The following C13orf42 variants were observed in gnomAD, a reference collection of about 807,000 sequenced individuals.
C13orf42 encodes chromosome 13 open reading frame 42, also known as uncharacterized protein C13orf42.
chr13:51,134,262 G>T (rs1366690640), intron 1 of C13orf42, among the ~76,000 whole-genome samples: 1 of 152,082 alleles, frequency 6.6e-6, no homozygotes, highest in African/African-American at 2.4e-5. Context: ...CTCACTCAGG[G>T]TTCAACATAT....
chr13:51,153,892 C>G (rs1953805290), intron 1 of C13orf42, among the ~76,000 whole-genome samples: 1 of 152,078 alleles, frequency 6.6e-6, no homozygotes. Context: ...CTCGGCCTCC[C>G]AGAGTGCTGA....
At position 51,085,603 on chromosome 13, in the gene C13orf42, T is replaced by C. The variant is rs116304872; in HGVS notation, c.563-44A>G. ...TGACCCAGGAAGGAAGGGCTTGCCA[T>C]TGGGAGGCGCATAAGGCAAAGGAGA... is the stretch of plus-strand genomic sequence containing the variant. On this transcript the variant is annotated intron_variant, in intron 2 of 3. Transcript: ENST00000563710. The C allele has an allele frequency of 2.6e-3, 1,033 of 398,358 alleles. 7 individuals are homozygous for C. The highest frequency in any genetic ancestry group is 0.02 in the African/African-American group (957 of 48,724). 24.7% of individuals were successfully genotyped at this position (398,358 alleles called of 1,614,324 possible). A position where few individuals can be genotyped will look rare whatever the true frequency, so the allele number is the denominator to read the frequency against.
At chr13:51,139,588 G>A (rs546380377) in intron 1 of C13orf42, among the ~76,000 whole-genome samples, 21 of 152,244 alleles carry the variant, frequency 1.4e-4, no homozygotes, top group East Asian at 9.7e-4. Context: ...CAAAGACCTT[G>A]CTAATAAAAC....
At chr13:51,145,397 A>C (rs1308330489) in intron 1 of C13orf42, among the ~76,000 whole-genome samples, 2 of 152,070 alleles carry the variant, frequency 1.3e-5, no homozygotes, top group Non-Finnish European at 2.9e-5. Flanking sequence ...TCTTCACAGG[A>C]CATGAGACTT....
At chr13:51,152,394 C>A (rs1034807945) in intron 1 of C13orf42, among the ~76,000 whole-genome samples, 7 of 152,226 alleles carry the variant, frequency 4.6e-5, no homozygotes, top group African/African-American at 1.4e-4. Flanking sequence ...GTTGCCAGGG[C>A]TGAAGTGCAG....
chr13:51,167,744 C>T (rs1183167645), intron 1 of C13orf42, among the ~76,000 whole-genome samples: 1 of 152,208 alleles, frequency 6.6e-6, no homozygotes, highest in Non-Finnish European at 1.5e-5. Context: ...TGTGTCTTTT[C>T]TATCAGGATA....
chr13:51,141,280 T>C (rs1953694547), intron 1 of C13orf42, among the ~76,000 whole-genome samples: 1 of 151,856 alleles, frequency 6.6e-6, no homozygotes, highest in Non-Finnish European at 1.5e-5. Context: ...TTCCACCTGA[T>C]TTTTTGACTA....
intron 1 of C13orf42, among the ~76,000 whole-genome samples, chr13:51,119,981 T>TA (rs5803554): frequency 6.0e-5 from 9 of 150,288 alleles, no homozygotes; most frequent in South Asian, 4.2e-4. Context: ...TTTTTCCTTT[T>TA]AAAAAAAAAA....
chr13:51,168,526 C>T (rs1163757401), intron 1 of C13orf42, among the ~76,000 whole-genome samples: 1 of 152,186 alleles, frequency 6.6e-6, no homozygotes, highest in Non-Finnish European at 1.5e-5. Context: ...GGCTTTCTTC[C>T]CCTGCCCACT....
chr13:51,142,507 TTAGAA>T (rs1953702850), intron 1 of C13orf42, among the ~76,000 whole-genome samples: 1 of 151,884 alleles, frequency 6.6e-6, no homozygotes, highest in African/African-American at 2.4e-5. Flanking sequence ...TGGTCATAAT[TTAGAA>T]TAGAAAGTTA....
At position 51,085,314 on chromosome 13, in the gene C13orf42, C is replaced by G; in HGVS notation, c.803+5G>C. 1 of 398,478 alleles carries G rather than the reference C, an allele frequency of 2.5e-6. No individual in the cohort carries two copies. Among genetic ancestry groups the G allele is most frequent in the African/African-American group, 2.1e-5 (1 of 48,710 alleles). The allele number at this position is 398,478 out of a possible 1,614,324, so 24.7% of individuals were successfully genotyped here. ...TTGGTCATGCTATTTAGCCCAAGCACTTACTCTTTTTTGCAGGCTTTGGGC... is the reference window on the plus strand; with the variant it reads ...TTGGTCATGCTATTTAGCCCAAGCAGTTACTCTTTTTTGCAGGCTTTGGGC... On this transcript the variant is annotated splice_donor_5th_base_variant and intron_variant, in intron 3 of 3. Coordinates refer to ENST00000563710, the MANE Select transcript of C13orf42 (RefSeq NM_001351589.3).
At chr13:51,153,119 G>A (rs1358670605) in intron 1 of C13orf42, among the ~76,000 whole-genome samples, 1 of 152,208 alleles carries the variant, frequency 6.6e-6, no homozygotes, top group Non-Finnish European at 1.5e-5. Context: ...TTAATGTTTT[G>A]TAAGTCAAGT....
intron 1 of C13orf42, among the ~76,000 whole-genome samples, chr13:51,146,506 A>G (rs1856806): frequency 0.5 from 75,803 of 152,094 alleles, 19,094 homozygotes; most frequent in African/African-American, 0.56. Context: ...AGGTCCTGAT[A>G]ACATGTGCCC....
chr13:51,109,906 A>G (rs980655976), intron 1 of C13orf42, among the ~76,000 whole-genome samples: 3 of 152,162 alleles, frequency 2.0e-5, no homozygotes, highest in African/African-American at 7.2e-5. Flanking sequence ...CACCTACTGT[A>G]CTGGCTTTAT....
intron 1 of C13orf42, among the ~76,000 whole-genome samples, chr13:51,124,557 T>C (rs761707153): frequency 5.9e-5 from 9 of 152,222 alleles, no homozygotes; most frequent in Non-Finnish European, 1.2e-4. Context: ...TCCTGCCTTT[T>C]ACAGGTTGAG....
chr13:51,159,695 A>G (rs1288778267), intron 1 of C13orf42, among the ~76,000 whole-genome samples: 1 of 152,250 alleles, frequency 6.6e-6, no homozygotes, highest in Non-Finnish European at 1.5e-5. Context: ...CTCACTCGCC[A>G]TAAAGCTCCA....
intron 1 of C13orf42, among the ~76,000 whole-genome samples, chr13:51,103,534 C>CT (rs1953315590): frequency 6.6e-6 from 1 of 152,098 alleles, no homozygotes; most frequent in African/African-American, 2.4e-5. Context: ...AACCCCGTCT[C>CT]TACTAAAAAT....
At chr13:51,123,174 C>T (rs1953549999) in intron 1 of C13orf42, among the ~76,000 whole-genome samples, 1 of 152,230 alleles carries the variant, frequency 6.6e-6, no homozygotes, top group African/African-American at 2.4e-5. Context: ...GCTCATGGTT[C>T]TCACTCTTGT....
At chr13:51,123,915 T>G (rs1953556064) in intron 1 of C13orf42, among the ~76,000 whole-genome samples, 2 of 152,146 alleles carry the variant, frequency 1.3e-5, no homozygotes, top group Admixed American at 6.6e-5. Flanking sequence ...AAAGCTAAAC[T>G]GTCCCCGTAA....
Sources: gnomAD v4.1 joint callset for allele counts (sites outside exome capture counted in the v4.1 genomes callset) on GRCh38, gnomAD v4.1.1 for gene constraint, MANE v1.5 for transcripts, NCBI Gene and HGNC (gene_info 2026-07-23, HGNC 2026-07-21) for gene names.